Variants in RBFOX1 observed in about 807,000 individuals in gnomAD.
RBFOX1 encodes RNA binding fox-1 homolog 1.
Under a neutral mutation model 57.7 loss-of-function variants are expected in RBFOX1, and 8 were observed. That is an observed-to-expected ratio of 0.14 (90% CI 0.08 to 0.25). The LOEUF (loss-of-function observed/expected upper bound fraction) is 0.25. RBFOX1 is among the 10% of genes least tolerant of loss of function. The pLI is 1.00. For synonymous variants in RBFOX1, 326 were observed against 222.4 expected (o/e 1.47, Z -4.15); for missense variants, 611 against 548.5 (o/e 1.11, Z -1.14).
intron 3 of RBFOX1, among the ~76,000 whole-genome samples, chr16:5,692,684 T>C (rs1002668614): frequency 6.6e-6 from 1 of 152,096 alleles, no homozygotes; most frequent in Non-Finnish European, 1.5e-5. Context: ...GCTGGGGAGC[T>C]CAGTGCCTCA....
At chr16:7,243,228 C>T (rs1030802312) in intron 4 of RBFOX1, among the ~76,000 whole-genome samples, 2 of 152,134 alleles carry the variant, frequency 1.3e-5, no homozygotes, top group African/African-American at 2.4e-5. Context: ...CTACTCCAAG[C>T]ACTTGGCATG....
chr16:6,431,887 TGC>T (rs1491207159), intron 2 of RBFOX1, among the ~76,000 whole-genome samples: 34 of 107,198 alleles, frequency 3.2e-4, no homozygotes, highest in Admixed American at 1.3e-3. Flanking sequence ...GAAATATGCT[TGC>T]TTGCTTGCTT....
intron 1 of RBFOX1, among the ~76,000 whole-genome samples, chr16:6,309,791 T>C (rs1203476715): frequency 6.6e-6 from 1 of 152,152 alleles, no homozygotes; most frequent in African/African-American, 2.4e-5. Context: ...CCTTGTTGAA[T>C]GGGCAAATGC....
chr16:7,377,492 G>T (rs1400809856), intron 4 of RBFOX1, among the ~76,000 whole-genome samples: 1 of 151,832 alleles, frequency 6.6e-6, no homozygotes, highest in Non-Finnish European at 1.5e-5. Flanking sequence ...CAATCATTTG[G>T]AAAAAAAATA....
rs964265815 is a variant in RBFOX1, at chr16:5,626,964, T to C, written c.318+28003T>C. ...GATTGAAAGCCCCAGTCAGTTCAGA[T>C]AAATCAGCTTCCTTTTAAATTATGA... is the stretch of plus-strand genomic sequence containing the variant. On this transcript the variant is annotated intron_variant, in intron 3 of 19. Coordinates refer to the RBFOX1 transcript ENST00000641259. Among the ~76,000 whole-genome samples, 3 of 152,238 alleles carry C rather than the reference T, an allele frequency of 2.0e-5. No homozygotes were observed. The East Asian group carries it at 5.8e-4, about 29-fold the overall frequency.
At chr16:6,806,836 A>ATATATTT (rs754342591) in intron 3 of RBFOX1, among the ~76,000 whole-genome samples, 30 of 91,878 alleles carry the variant, frequency 3.3e-4, no homozygotes, top group Non-Finnish European at 5.8e-4. Flanking sequence ...ATATATATAT[A>ATATATTT]TTTTTTTTTT....
intron 3 of RBFOX1, among the ~76,000 whole-genome samples, chr16:6,686,264 A>T (rs934474735): frequency 1.3e-5 from 2 of 152,190 alleles, no homozygotes; most frequent in African/African-American, 4.8e-5. Context: ...GGTCAGGGCC[A>T]TTCATAGCAA....
rs547462068 is a variant in RBFOX1, at chr16:6,876,439, T to C, written c.-15-175618T>C. 5.8e-3 allele frequency among the ~76,000 whole-genome samples: 881 copies of C among 152,118 alleles called. 14 individuals are homozygous for C. Among genetic ancestry groups the C allele is most frequent in the African/African-American group, 0.02 (833 of 41,480 alleles). On this transcript the variant is annotated intron_variant, in intron 3 of 15. Transcript: ENST00000550418. Reference sequence around the variant, plus strand: ...GCTGAAACAAAGTCACTCTTAAAAATGAAGTGATATCAAAAATCACCACCT... The same window carrying C: ...GCTGAAACAAAGTCACTCTTAAAAACGAAGTGATATCAAAAATCACCACCT...
intron 3 of RBFOX1, among the ~76,000 whole-genome samples, chr16:6,856,354 C>G (rs1215652458): frequency 6.6e-5 from 10 of 152,096 alleles, no homozygotes; most frequent in African/African-American, 2.2e-4. Context: ...TTCTGAGTAA[C>G]TAGGATGATG....
At chr16:6,721,269 C>G (rs147952923) in intron 3 of RBFOX1, among the ~76,000 whole-genome samples, 1 of 152,208 alleles carries the variant, frequency 6.6e-6, no homozygotes, top group East Asian at 1.9e-4. Context: ...ATGGTAAAAC[C>G]CTGTCTGTAC....
At chr16:6,917,979 C>A (rs113541531) in intron 3 of RBFOX1, among the ~76,000 whole-genome samples, 17 of 152,038 alleles carry the variant, frequency 1.1e-4, no homozygotes, top group African/African-American at 3.9e-4. Flanking sequence ...GAGCCACTTA[C>A]GAATTTGTTA....
chr16:6,630,522 C>G (rs1464166853), intron 2 of RBFOX1, among the ~76,000 whole-genome samples: 1 of 152,082 alleles, frequency 6.6e-6, no homozygotes, highest in Non-Finnish European at 1.5e-5. Flanking sequence ...CTTAAAACAG[C>G]CTGATGAGGT....
chr16:7,327,958 C>T (rs145194563), intron 4 of RBFOX1, among the ~76,000 whole-genome samples: 2 of 152,144 alleles, frequency 1.3e-5, no homozygotes, highest in African/African-American at 4.8e-5. Context: ...CTAGATACCC[C>T]CTGTCTCTCA....
chr16:6,890,541 C>G (rs1459039332), intron 3 of RBFOX1, among the ~76,000 whole-genome samples: 1 of 152,048 alleles, frequency 6.6e-6, no homozygotes, highest in Non-Finnish European at 1.5e-5. Context: ...CAAAACCAAA[C>G]CCAAAGAATG....
chr16:6,898,035 C>T (rs926710629), intron 3 of RBFOX1, among the ~76,000 whole-genome samples: 1 of 152,160 alleles, frequency 6.6e-6, no homozygotes, highest in African/African-American at 2.4e-5. Context: ...CAGGTTTTTC[C>T]TTTTCCTCGG....
chr16:6,964,489 T>C (rs552817725), intron 3 of RBFOX1, among the ~76,000 whole-genome samples: 2 of 152,312 alleles, frequency 1.3e-5, no homozygotes, highest in South Asian at 2.1e-4. Flanking sequence ...GGTTATCAAC[T>C]GTAACAAATT....
At chr16:7,448,830 G>A (rs148923397) in intron 4 of RBFOX1, among the ~76,000 whole-genome samples, 12 of 151,798 alleles carry the variant, frequency 7.9e-5, no homozygotes, top group African/African-American at 1.9e-4. Context: ...TGGATTTAGG[G>A]CCCACTTTAA....
chr16:7,649,592 G>T (rs908851673), intron 11 of RBFOX1, among the ~76,000 whole-genome samples: 1 of 152,116 alleles, frequency 6.6e-6, no homozygotes, highest in Admixed American at 6.6e-5. Context: ...AGGTCACTTT[G>T]TACACAGGAC....
chr16:7,344,442 AAC>A (rs2096955878), intron 4 of RBFOX1, among the ~76,000 whole-genome samples: 1 of 150,184 alleles, frequency 6.7e-6, no homozygotes, highest in African/African-American at 2.4e-5. Context: ...TATTTTATGT[AAC>A]ACATAGTTAT....
Sources: allele counts gnomAD v4.1 joint callset (sites outside exome capture counted in the v4.1 genomes callset), GRCh38; gene constraint gnomAD v4.1.1; transcripts MANE v1.5; gene names NCBI Gene and HGNC (gene_info 2026-07-23, HGNC 2026-07-21).